DLGAP1: variants seen among roughly 807,000 people sequenced by gnomAD.
DLGAP1 encodes disks large-associated protein 1.
A neutral mutation model predicts 90.8 loss-of-function variants in DLGAP1; 11 were observed. The ratio of observed to expected loss-of-function variants is 0.12; its 90% CI spans 0.08 to 0.20. The LOEUF is 0.20. Among genes scored for constraint, DLGAP1 ranks in the 10% least tolerant of loss-of-function variants. DLGAP1 has a pLI of 1.00. For synonymous variants in DLGAP1, 558 were observed against 540.7 expected, an observed-to-expected ratio of 1.03 and a Z score of -0.44; for missense variants, 1,050 against 1,333.8, an observed-to-expected ratio of 0.79 and a Z score of 3.31.
Position 3,810,282 on chromosome 18 carries a change from ATAAC to A in DLGAP1, c.1172+3773_1172+3776del, listed in dbSNP as rs943835144. On this transcript the variant is annotated intron_variant, in intron 5 of 12. Coordinates refer to ENST00000315677, the MANE Select transcript of DLGAP1 (RefSeq NM_004746.4). ...TAGGCCTTATATGTCTGAGGACCCA[ATAAC>A]TAACACTAAGCAGCTGATGAAAAAC... is the stretch of plus-strand genomic sequence containing the variant. Among the ~76,000 whole-genome samples the A allele has an allele frequency of 1.2e-3, 178 of 152,334 alleles. 1 individual carries two copies. The highest frequency in any genetic ancestry group is 1.1e-3 in the Admixed American group (17 of 15,304).
chr18:4,148,226 A>T (rs576624208), intron 2 of DLGAP1, among the ~76,000 whole-genome samples: 4 of 152,342 alleles, frequency 2.6e-5, no homozygotes, highest in African/African-American at 7.2e-5. Flanking sequence ...ACAAAGCCTT[A>T]AAATCACTTG....
At position 4,093,137 on chromosome 18, in the gene DLGAP1, AT is replaced by A. The variant is rs575407816; in HGVS notation, c.-159+58042del. On this transcript the variant is annotated intron_variant, in intron 2 of 12. Coordinates refer to ENST00000315677, the MANE Select transcript of DLGAP1 (RefSeq NM_004746.4). The stretch of plus-strand genomic sequence containing the variant: ...AGTGGCAATTTGTTCAATTATATGT[AT>A]TGTATGTGTATGTATGTATGTATGT... Among the ~76,000 whole-genome samples, 5 of 152,234 alleles carry A rather than the reference AT, an allele frequency of 3.3e-5. 1 individual carries two copies. In the South Asian group the frequency reaches 1.0e-3, roughly 32 times the overall value.
At chr18:4,265,456 A>C (rs2079091756) in intron 1 of DLGAP1, among the ~76,000 whole-genome samples, 1 of 143,834 alleles carries the variant, frequency 7.0e-6, no homozygotes, top group Admixed American at 7.1e-5. Context: ...GGTGTGAGCC[A>C]CTGCACCCAG....
At position 3,517,630 on chromosome 18, in the gene DLGAP1, C is replaced by A. The variant is rs62083982; in HGVS notation, c.2480-8969G>T. Among the ~76,000 whole-genome samples, 57 of 152,138 alleles carry A rather than the reference C, an allele frequency of 3.7e-4. No homozygotes were observed. The highest frequency in any genetic ancestry group is 7.5e-4 in the Non-Finnish European group (51 of 67,992). ...GTCAGGAGGTCGAGACAAGCCTGAC[C>A]AACATGGTGAAACCAAGTCTCTACT... On this transcript the variant is annotated intron_variant, in intron 10 of 12. Transcript: ENST00000315677. The surrounding 1 kb of genome is among the most constrained non-coding windows in gnomAD (Gnocchi z 4.1).
At chr18:4,086,250 C>A (rs867432461) in intron 2 of DLGAP1, among the ~76,000 whole-genome samples, 13 of 152,146 alleles carry the variant, frequency 8.5e-5, no homozygotes, top group Non-Finnish European at 7.3e-5. Flanking sequence ...CAAAAGAGCA[C>A]TAAAGCTGGT....
intron 1 of DLGAP1, among the ~76,000 whole-genome samples, chr18:4,393,059 G>A (rs923029303): frequency 1.3e-5 from 2 of 152,096 alleles, no homozygotes; most frequent in African/African-American, 2.4e-5. Flanking sequence ...ACCACTTACA[G>A]CAGCCCTCAC....
In DLGAP1 at chr18:4,044,156, A is replaced by G. The variant is rs147200032; in HGVS notation, c.-158-38955T>C. On this transcript the variant is annotated intron_variant, in intron 2 of 12. Transcript: ENST00000315677. ...AATACAAAACACAAGTAATATTAAT[A>G]TTTCCTTTACAGTGTTTACAGAAGT... Among the ~76,000 whole-genome samples the G allele has an allele frequency of 2.4e-4, 37 of 152,264 alleles. No individual in the cohort carries two copies. The East Asian group carries it at 6.4e-3, about 26-fold the overall frequency.
intron 7 of DLGAP1, among the ~76,000 whole-genome samples, chr18:3,722,827 G>A (rs1254107884): frequency 1.3e-5 from 2 of 152,102 alleles, no homozygotes; most frequent in Non-Finnish European, 1.5e-5. Context: ...TCCAAAAATG[G>A]TCATTAATGC....
chr18:3,617,586 C>A, intron 7 of DLGAP1, among the ~76,000 whole-genome samples: 2 of 67,074 alleles, frequency 3.0e-5, no homozygotes, highest in African/African-American at 6.9e-5. Flanking sequence ...AGTGAAACTC[C>A]ATCTCAAAAA....
intron 1 of DLGAP1, among the ~76,000 whole-genome samples, chr18:4,417,997 C>G (rs2082941223): frequency 1.3e-5 from 2 of 152,142 alleles, no homozygotes; most frequent in Non-Finnish European, 2.9e-5. Flanking sequence ...AAAGGAAAGA[C>G]TTAAAGCTGG....
chr18:3,659,863 C>T (rs886332307), intron 7 of DLGAP1, among the ~76,000 whole-genome samples: 2 of 152,160 alleles, frequency 1.3e-5, no homozygotes, highest in Non-Finnish European at 2.9e-5. Flanking sequence ...CGCGCCCGGC[C>T]TATTTCCCTA....
chr18:3,772,363 T>G (rs956500839), intron 5 of DLGAP1, among the ~76,000 whole-genome samples: 1 of 7,376 alleles, frequency 1.4e-4, no homozygotes. Context: ...TTTCTTTCTT[T>G]CTTTCTTTCT....
chr18:4,145,488 C>T (rs555912953), intron 2 of DLGAP1, among the ~76,000 whole-genome samples: 1 of 152,272 alleles, frequency 6.6e-6, no homozygotes, highest in South Asian at 2.1e-4. Context: ...CTTTATTGAT[C>T]TACTCCTGTT....
intron 7 of DLGAP1, among the ~76,000 whole-genome samples, chr18:3,586,190 G>C (rs113883602): frequency 4.6e-5 from 7 of 152,272 alleles, no homozygotes; most frequent in African/African-American, 1.7e-4. Flanking sequence ...ACCCAAAGAA[G>C]ATAAGATTTT....
chr18:4,070,391 G>A (rs560004803), intron 2 of DLGAP1, among the ~76,000 whole-genome samples: 3 of 152,138 alleles, frequency 2.0e-5, no homozygotes, highest in African/African-American at 7.2e-5. Flanking sequence ...TGGATTCAGA[G>A]TCCAGAGTGC....
At chr18:3,509,619 C>T (rs1490406739) in intron 10 of DLGAP1, among the ~76,000 whole-genome samples, 1 of 152,170 alleles carries the variant, frequency 6.6e-6, no homozygotes, top group Non-Finnish European at 1.5e-5. Flanking sequence ...AGAGCACTTG[C>T]CTCTCTGGAA....
At chr18:4,317,908 T>A (rs1168402958) in intron 1 of DLGAP1, among the ~76,000 whole-genome samples, 1 of 152,208 alleles carries the variant, frequency 6.6e-6, no homozygotes, top group African/African-American at 2.4e-5. Context: ...AGTGCAGTGG[T>A]GTGATCTCGG....
intron 1 of DLGAP1, among the ~76,000 whole-genome samples, chr18:4,352,616 C>T (rs931309515): frequency 2.0e-5 from 3 of 152,226 alleles, no homozygotes; most frequent in African/African-American, 7.2e-5. Context: ...CAAACAATCT[C>T]TCACCCACTT....
At chr18:4,114,061 T>A (rs1267371976) in intron 2 of DLGAP1, among the ~76,000 whole-genome samples, 12 of 43,832 alleles carry the variant, frequency 2.7e-4, no homozygotes, top group Non-Finnish European at 5.3e-4. Flanking sequence ...TCTGGCTTTT[T>A]TTTTTTTTTT....
Sources: gnomAD v4.1 joint callset for allele counts (sites outside exome capture counted in the v4.1 genomes callset) on GRCh38, gnomAD v4.1.1 for gene constraint, Gnocchi (gnomAD v3.1) non-coding constraint, MANE v1.5 for transcripts, NCBI Gene and HGNC (gene_info 2026-07-23, HGNC 2026-07-21) for gene names.